Variants in KIF24 observed in about 807,000 individuals in gnomAD.
KIF24 encodes the protein kinesin family member 24.
A neutral mutation model predicts 118.9 loss-of-function variants in KIF24; 81 were observed. The observed-to-expected ratio is 0.68, with a 90% CI of 0.57 to 0.82. The LOEUF (loss-of-function observed/expected upper bound fraction) is 0.82. KIF24 is among the 40% of genes least tolerant of loss of function. The pLI, the probability that KIF24 is intolerant of heterozygous loss-of-function variation, is 0.00. For missense variants in KIF24, 1,560 were observed against 1,661.6 expected (o/e 0.94, Z 1.06); for synonymous variants, 599 against 610.0 (o/e 0.98, Z 0.27).
At chr9:34,263,208 G>A in intron 8 of KIF24, 36 bp from the exon 9 acceptor site, 1 of 1,533,958 alleles carries the variant, frequency 6.5e-7, no homozygotes, top group Non-Finnish European at 9.0e-7. Context: ...CAAGTATCAA[G>A]TGCAAAGGGA....
chr9:34,263,738 AT>A (rs11422359), intron 8 of KIF24, among the ~76,000 whole-genome samples: 17,358 of 137,524 alleles, frequency 0.13, 1,244 homozygotes, highest in Non-Finnish European at 0.18. Flanking sequence ...TTTTTTCTTA[AT>A]TTTTTTTTTT....
At chr9:34,300,539 T>TTTGTATTG (rs1244553882) in intron 3 of KIF24, among the ~76,000 whole-genome samples, 6 of 151,996 alleles carry the variant, frequency 3.9e-5, no homozygotes, top group African/African-American at 1.4e-4. Context: ...AGCTAATTTT[T>TTTGTATTG]TTGTATTGTT....
In KIF24 at chr9:34,259,687, T is replaced by TGA; in HGVS notation, c.1532_1533dup (p.Ile512SerfsTer9). 1 of 1,613,746 alleles carries TGA rather than the reference T, an allele frequency of 6.2e-7. No homozygotes were observed. Among genetic ancestry groups the TGA allele is most frequent in the Non-Finnish European group, 8.5e-7 (1 of 1,179,666 alleles). On this transcript the variant is annotated frameshift_variant, in exon 10 of 13. Coordinates refer to ENST00000402558, the MANE Select transcript of KIF24 (RefSeq NM_194313.4). LOFTEE classifies it high-confidence loss of function. ...ATCATGCAGGTTTTGGCATTGCCGA[T>TGA]GAAAGAGTCCTTCAGGACCTGTCCA... is the stretch of plus-strand genomic sequence containing the variant.
chr9:34,318,489 C>A lies in KIF24; in HGVS notation c.-25-7118G>T. 1.2e-6 allele frequency: 1 copy of A among 828,946 alleles called. No individual in the cohort carries two copies. The highest frequency in any genetic ancestry group is 2.0e-6 in the Non-Finnish European group (1 of 496,714). The allele number at this position is 828,946 out of a possible 1,614,324, so 51.3% of individuals were successfully genotyped here. The stretch of plus-strand genomic sequence containing the variant: ...GTGAAGAAACCTGCAGCCACAGCAG[C>A]TCCTGGCACCGCAGAGAAGCTGAGC... On this transcript the variant is annotated intron_variant, in intron 1 of 12. Transcript: ENST00000402558. This position sits in a 1 kb window ranked among gnomAD's most constrained non-coding sequence, Gnocchi z 4.9.
At chr9:34,327,549 A>G (rs1837707616) in intron 1 of KIF24, among the ~76,000 whole-genome samples, 1 of 152,206 alleles carries the variant, frequency 6.6e-6, no homozygotes, top group African/African-American at 2.4e-5. Context: ...AGCCCTGGAT[A>G]CAGTGCTTTG....
chr9:34,328,709 C>T (rs1219440274), intron 1 of KIF24, among the ~76,000 whole-genome samples: 1 of 152,220 alleles, frequency 6.6e-6, no homozygotes, highest in African/African-American at 2.4e-5. Flanking sequence ...ACGATGCTTG[C>T]CTTACCTCAA....
intron 6 of KIF24, among the ~76,000 whole-genome samples, chr9:34,281,322 G>A (rs1431458937): frequency 2.6e-5 from 4 of 152,102 alleles, no homozygotes; most frequent in Non-Finnish European, 5.9e-5. Context: ...CACCATGCCT[G>A]GCCTCTCTTA....
intron 1 of KIF24, among the ~76,000 whole-genome samples, chr9:34,325,624 A>G (rs562301895): frequency 6.8e-6 from 1 of 146,964 alleles, no homozygotes; most frequent in Admixed American, 6.7e-5. Flanking sequence ...CCTGGGAGGA[A>G]GAGGTTGCAG....
At chr9:34,255,684 G>T in intron 11 of KIF24, 51 bp downstream of exon 11, 2 of 1,468,104 alleles carry the variant, frequency 1.4e-6, no homozygotes, top group Non-Finnish European at 9.3e-7. Context: ...AAGCTGGAGT[G>T]GAGGGTGGGT....
chr9:34,273,006 T>G (rs1450218818), intron 6 of KIF24, among the ~76,000 whole-genome samples: 2 of 151,858 alleles, frequency 1.3e-5, no homozygotes, highest in Admixed American at 6.6e-5. Flanking sequence ...TCTCAGAACT[T>G]ATGAGGCAGG....
At chr9:34,262,434 G>A (rs1310645037) in intron 9 of KIF24, among the ~76,000 whole-genome samples, 1 of 151,154 alleles carries the variant, frequency 6.6e-6, no homozygotes, top group Admixed American at 6.6e-5. Flanking sequence ...TCAGATTTTG[G>A]AATATTTGCA....
intron 1 of KIF24, among the ~76,000 whole-genome samples, chr9:34,315,167 T>C (rs1034086494): frequency 1.8e-4 from 28 of 152,312 alleles, no homozygotes; most frequent in African/African-American, 6.3e-4. Context: ...AAACAGTTTA[T>C]TTTTTAAATT....
chr9:34,256,584 A>G lies in KIF24; in HGVS notation c.3023T>C (p.Leu1008Pro), dbSNP rs1363357771. The change falls in exon 11 of 13, where the codon CTG becomes CCG. Residue 1008 changes from leucine (L) to proline (P), a missense_variant. By Grantham distance (98) the Leu-to-Pro change is moderately conservative. This residue lies in a region of KIF24 where 591 missense variants were observed against 655.6 expected (regional missense o/e 0.90). Coordinates refer to ENST00000402558, the MANE Select transcript of KIF24 (RefSeq NM_194313.4). ...PDQRDTVTTP[L>P]REVSADGPIQ... Reference sequence around the variant, plus strand: ...TGGGCCGTCTGCACTGACTTCTCTCAGAGGTGTGGTGACTGTGTCTCTTTG... The same window carrying G: ...TGGGCCGTCTGCACTGACTTCTCTCGGAGGTGTGGTGACTGTGTCTCTTTG... 4.3e-6 allele frequency: 7 copies of G among 1,613,812 alleles called. No individual in the cohort carries two copies. In the African/African-American group the frequency reaches 6.7e-5, roughly 15 times the overall value.
chr9:34,285,545 T>C (rs1352837469), intron 6 of KIF24, among the ~76,000 whole-genome samples: 1 of 151,316 alleles, frequency 6.6e-6, no homozygotes, highest in Non-Finnish European at 1.5e-5. Flanking sequence ...GAGGCCAAGG[T>C]GGGCGGATCA....
Position 34,257,855 on chromosome 9 carries a change from A to C in KIF24, c.1752T>G (p.Ser584=). The change falls in exon 11 of 13, where the codon TCT becomes TCG. Residue 584 remains serine (S), a synonymous_variant. Transcript: ENST00000402558. ...SPGALSEDKC[S]PKKVKLGFQQ... Reference sequence around the variant, plus strand: ...GAAATCCCAGCTTGACTTTTTTGGGAGAACATTTGTCCTCTGACAAAGCCC... The same window carrying C: ...GAAATCCCAGCTTGACTTTTTTGGGCGAACATTTGTCCTCTGACAAAGCCC... 1 of 1,613,978 alleles carries C rather than the reference A, an allele frequency of 6.2e-7. No homozygotes were observed. Among genetic ancestry groups the C allele is most frequent in the Non-Finnish European group, 8.5e-7 (1 of 1,179,880 alleles).
Position 34,255,896 on chromosome 9 carries a change from C to A in KIF24, c.3711G>T (p.Leu1237Phe). Reference sequence around the variant, plus strand: ...AGGGCAACTTGATGGGGTCTGTGGACAAACCAAACTCCTGCCAACCAAGCC... The same window carrying A: ...AGGGCAACTTGATGGGGTCTGTGGAAAAACCAAACTCCTGCCAACCAAGCC... ...PTRLGWQEFG[L>F]STDPIKLPCN... Residue 1237 changes from leucine (L) to phenylalanine (F), a missense_variant, in exon 11 of 13, where the codon TTG (leucine) becomes TTT (phenylalanine). This residue lies in a region of KIF24 where 591 missense variants were observed against 655.6 expected (regional missense o/e 0.90). Transcript: ENST00000402558. The A allele has an allele frequency of 6.2e-7, 1 of 1,614,008 alleles. No homozygotes were observed. The highest frequency in any genetic ancestry group is 8.5e-7 in the Non-Finnish European group (1 of 1,179,888).
rs556141346 is a variant in KIF24, at chr9:34,312,139, A to T, written c.-25-768T>A. On this transcript the variant is annotated intron_variant, in intron 1 of 12. Transcript: ENST00000402558. ...TACTGGCAAAAGTTAGTTAAATAGA[A>T]GTAAAGACATCATCAATTCAGCATC... is the stretch of plus-strand genomic sequence containing the variant. Among the ~76,000 whole-genome samples the T allele has an allele frequency of 3.3e-5, 5 of 152,368 alleles. No homozygotes were observed. The East Asian group carries it at 7.7e-4, about 23-fold the overall frequency.
intron 6 of KIF24, among the ~76,000 whole-genome samples, chr9:34,285,646 G>T (rs1368069335): frequency 6.6e-6 from 1 of 151,782 alleles, no homozygotes; most frequent in Admixed American, 6.6e-5. Flanking sequence ...GTGGTGGCGG[G>T]TGCCTGTAGT....
At position 34,306,412 on chromosome 9, in the gene KIF24, C is replaced by A. The variant is rs17350674; in HGVS notation, c.653G>T (p.Trp218Leu). Residue 218 changes from tryptophan (W) to leucine (L), a missense_variant, in exon 3 of 13, where the codon TGG becomes TTG. By Grantham distance (61) the Trp-to-Leu change is moderately conservative. Around this residue, in one of 3 missense-constraint regions of KIF24, gnomAD observed 964 missense variants for 988.0 expected, o/e 0.98. Transcript: ENST00000402558. ...AACTCTGATTTTCTCCATCTCAGTC[C>A]AAGGATTCTGTTTCTCTGAAGTGTT... ...RQNTSEKQNP[W>L]TEMEKIRVCV... 0.17 allele frequency: 279,878 copies of A among 1,607,156 alleles called. 27,155 individuals are homozygous for A. The highest frequency in any genetic ancestry group is 0.19 in the Non-Finnish European group (227,026 of 1,176,656).
Sources: gnomAD v4.1 joint callset for allele counts (sites outside exome capture counted in the v4.1 genomes callset) on GRCh38, gnomAD v4.1.1 for gene constraint, gnomAD v4.1.1 regional missense constraint, Gnocchi (gnomAD v3.1) non-coding constraint, MANE v1.5 for transcripts, NCBI Gene and HGNC (gene_info 2026-07-23, HGNC 2026-07-21) for gene names.